CSMD1: variants seen among roughly 807,000 people sequenced by gnomAD.
The protein encoded by CSMD1 is CUB and Sushi multiple domains 1, also known as CUB and sushi domain-containing protein 1.
A neutral mutation model predicts 417.5 loss-of-function variants in CSMD1; 213 were observed. The observed-to-expected ratio is 0.51, with a 90% CI of 0.46 to 0.57. The LOEUF (loss-of-function observed/expected upper bound fraction) is 0.57, where lower values mean the gene tolerates loss of function less well. CSMD1 is among the 20% of genes least tolerant of loss of function. The pLI is 0.00. For missense variants in CSMD1, 6,923 were observed against 4,529.7 expected (o/e 1.53, Z -15.17); for synonymous variants, 2,862 against 1,736.8 (o/e 1.65, Z -16.11).
At chr8:4,680,968 G>GTC (rs1163816202) in intron 1 of CSMD1, among the ~76,000 whole-genome samples, 1 of 122,950 alleles carries the variant, frequency 8.1e-6, no homozygotes, top group Admixed American at 9.3e-5. Context: ...GTGTGTGTGT[G>GTC]TGTGTGTGAG....
chr8:3,312,699 C>G (rs76331066), intron 23 of CSMD1, among the ~76,000 whole-genome samples: 1 of 152,124 alleles, frequency 6.6e-6, no homozygotes, highest in Admixed American at 6.6e-5. Context: ...GTGTCACTTG[C>G]GCCGTGAACC....
At chr8:3,989,602 T>C (rs1814595373) in intron 5 of CSMD1, among the ~76,000 whole-genome samples, 1 of 152,214 alleles carries the variant, frequency 6.6e-6, no homozygotes, top group Non-Finnish European at 1.5e-5. Context: ...ATTTCTCAGG[T>C]GCCATCTATT....
intron 12 of CSMD1, among the ~76,000 whole-genome samples, chr8:3,409,996 T>G (rs1234637043): frequency 6.6e-6 from 1 of 152,232 alleles, no homozygotes; most frequent in African/African-American, 2.4e-5. Flanking sequence ...CAAATAATAT[T>G]CTTCATTCCC....
At chr8:3,551,286 G>A (rs572929645) in intron 10 of CSMD1, among the ~76,000 whole-genome samples, 168 of 152,224 alleles carry the variant, frequency 1.1e-3, no homozygotes, top group Non-Finnish European at 2.0e-3. Context: ...CTGTACTACA[G>A]GACTGTCATA....
intron 2 of CSMD1, among the ~76,000 whole-genome samples, chr8:4,517,505 T>C (rs1029620665): frequency 2.0e-5 from 3 of 152,238 alleles, no homozygotes; most frequent in African/African-American, 7.2e-5. Flanking sequence ...AACTGTGGCA[T>C]ACTAAATGCT....
In CSMD1 at chr8:4,606,524, C is replaced by T. The variant is rs552440710; in HGVS notation, c.302+30818G>A. Among the ~76,000 whole-genome samples the T allele has an allele frequency of 5.3e-5, 8 of 152,256 alleles. No individual in the cohort carries two copies. In the East Asian group the frequency reaches 5.8e-4, roughly 11 times the overall value. On this transcript the variant is annotated intron_variant, in intron 2 of 69. Transcript: ENST00000635120. ...TTCTGTGTGTGGCTGAAGACAACAGCGGCCAATGGCAGCAGGGCTGTCAGC... is the reference window on the plus strand; with the variant it reads ...TTCTGTGTGTGGCTGAAGACAACAGTGGCCAATGGCAGCAGGGCTGTCAGC...
chr8:3,754,906 G>C (rs183863858), intron 5 of CSMD1, among the ~76,000 whole-genome samples: 52 of 152,300 alleles, frequency 3.4e-4, no homozygotes, highest in African/African-American at 1.2e-3. Context: ...TTATGAGATT[G>C]ATGACAAGAA....
At chr8:4,150,057 G>T (rs1796487137) in intron 3 of CSMD1, among the ~76,000 whole-genome samples, 2 of 152,310 alleles carry the variant, frequency 1.3e-5, no homozygotes, top group East Asian at 3.9e-4. Flanking sequence ...GTTGCTGTGG[G>T]TGAAGAAGTT....
chr8:3,043,526 C>T (rs1811246931), intron 50 of CSMD1, among the ~76,000 whole-genome samples: 1 of 152,080 alleles, frequency 6.6e-6, no homozygotes, highest in African/African-American at 2.4e-5. Context: ...TGCATTTAAT[C>T]ATGTAAAGTC....
chr8:4,339,152 A>C (rs1455250942), intron 3 of CSMD1, among the ~76,000 whole-genome samples: 1 of 152,124 alleles, frequency 6.6e-6, no homozygotes, highest in African/African-American at 2.4e-5. Flanking sequence ...GCTATCAGCT[A>C]TGAAAATAAA....
rs2117462618 is a variant in CSMD1 at position 3,318,465 on chromosome 8, A to C, written c.3632-9962T>G. On this transcript the variant is annotated intron_variant, in intron 23 of 69. Transcript: ENST00000635120. ...AATTAACTGACCTCAGTCCTTGCTCACCAGAAACTCATAGTCTGTGTAGAT... is the reference window on the plus strand; with the variant it reads ...AATTAACTGACCTCAGTCCTTGCTCCCCAGAAACTCATAGTCTGTGTAGAT... Among the ~76,000 whole-genome samples the C allele has an allele frequency of 1.3e-5, 2 of 152,340 alleles. 1 individual carries two copies. Among genetic ancestry groups the C allele is most frequent in the Middle Eastern group, 6.8e-3 (2 of 294 alleles).
chr8:4,241,533 G>A (rs980599981), intron 3 of CSMD1, among the ~76,000 whole-genome samples: 1 of 152,268 alleles, frequency 6.6e-6, no homozygotes. Flanking sequence ...GGTCTCTAGT[G>A]CACCACTCTA....
chr8:3,328,261 GT>G (rs1806665197), intron 23 of CSMD1, among the ~76,000 whole-genome samples: 1 of 152,158 alleles, frequency 6.6e-6, no homozygotes, highest in East Asian at 1.9e-4. Flanking sequence ...GTAAGCATAG[GT>G]TCTGCTTCAT....
In CSMD1 at chr8:3,409,505, C is replaced by G. The variant is rs182017822; in HGVS notation, c.1662G>C (p.Pro554=). The G allele has an allele frequency of 3.1e-6, 5 of 1,610,952 alleles. No individual in the cohort carries two copies. Among genetic ancestry groups the G allele is most frequent in the Admixed American group, 1.7e-5 (1 of 59,576 alleles). Residue 554 remains proline (P), a synonymous_variant, in exon 13 of 70, where the codon CCG becomes CCC. Transcript: ENST00000635120. ...TCTCCCCCACCAGCTCAAAGGCCGC[C>G]GGGCATTCAAAGGTGAGTGTATCTC... ...LHGDTLTFEC[P]AAFELVGERV...
chr8:4,810,821 C>T (rs748683316), intron 1 of CSMD1, among the ~76,000 whole-genome samples: 9 of 151,956 alleles, frequency 5.9e-5, no homozygotes, highest in East Asian at 3.9e-4. Flanking sequence ...AGAACGAAGA[C>T]GAGAACTTTA....
intron 7 of CSMD1, among the ~76,000 whole-genome samples, chr8:3,620,832 A>T (rs1802388374): frequency 6.6e-6 from 1 of 152,218 alleles, no homozygotes; most frequent in Admixed American, 6.5e-5. Context: ...TAATTATTTT[A>T]AATATAAATT....
At chr8:4,747,010 C>A (rs892482203) in intron 1 of CSMD1, among the ~76,000 whole-genome samples, 2 of 152,250 alleles carry the variant, frequency 1.3e-5, no homozygotes, top group South Asian at 2.1e-4. Flanking sequence ...CGTGAGAAGG[C>A]GGTTCAGAGA....
intron 4 of CSMD1, among the ~76,000 whole-genome samples, chr8:4,004,244 T>A (rs1261202974): frequency 6.6e-6 from 1 of 152,088 alleles, no homozygotes; most frequent in Non-Finnish European, 1.5e-5. Flanking sequence ...AGAAATAGTT[T>A]AACATCTAAA....
chr8:4,879,886 G>A (rs1005693599), intron 1 of CSMD1, among the ~76,000 whole-genome samples: 1 of 152,028 alleles, frequency 6.6e-6, no homozygotes, highest in Non-Finnish European at 1.5e-5. Flanking sequence ...AAATCAGTCA[G>A]GATGTTCTTA....
Sources: gnomAD v4.1 joint callset for allele counts (sites outside exome capture counted in the v4.1 genomes callset) on GRCh38, gnomAD v4.1.1 for gene constraint, MANE v1.5 for transcripts, NCBI Gene and HGNC (gene_info 2026-07-23, HGNC 2026-07-21) for gene names.